Variants in TP63 observed in about 807,000 individuals in gnomAD.
TP63 encodes tumor protein 63.
TP63 carries 17 observed loss-of-function variants against 82.8 expected under a neutral mutation model. That is an observed-to-expected ratio of 0.21 (90% CI 0.14 to 0.31). TP63 has a LOEUF of 0.31. Ranked by LOEUF, TP63 falls within the 10% of genes least tolerant of loss-of-function variation. The probability of loss-of-function intolerance (pLI) is 1.00; values close to 1 mark genes in which losing one functional copy is unlikely to be tolerated. For synonymous variants in TP63, 330 were observed against 321.7 expected (o/e 1.03, Z -0.28); for missense variants, 648 against 895.3 (o/e 0.72, Z 3.52).
At chr3:189,640,467 T>C (rs1357661261) in intron 1 of TP63, among the ~76,000 whole-genome samples, 2 of 152,172 alleles carry the variant, frequency 1.3e-5, no homozygotes, top group African/African-American at 4.8e-5. Context: ...CGATTTATCT[T>C]CAAGTTAGTA....
At chr3:189,609,291 C>T in the TP63 span, among the ~76,000 whole-genome samples, 3 of 152,072 alleles carry the variant, frequency 2.0e-5, no homozygotes, top group Non-Finnish European at 2.9e-5. Context: ...TCCTGAAAAA[C>T]GGTAATATTC....
At chr3:189,804,741 G>A (rs1221085324) in intron 3 of TP63, among the ~76,000 whole-genome samples, 2 of 152,160 alleles carry the variant, frequency 1.3e-5, no homozygotes, top group African/African-American at 4.8e-5. Context: ...TCTGACTTTG[G>A]TGGGTTTGTT....
At chr3:189,761,778 A>T (rs770239375) in intron 3 of TP63, among the ~76,000 whole-genome samples, 7 of 152,206 alleles carry the variant, frequency 4.6e-5, no homozygotes, top group Non-Finnish European at 8.8e-5. Flanking sequence ...TTAAAAAAGA[A>T]AGAGGTTTAT....
chr3:189,834,863 A>G (rs7621997), intron 4 of TP63, among the ~76,000 whole-genome samples: 58,244 of 149,424 alleles, frequency 0.39, 11,694 homozygotes, highest in East Asian at 0.53. Flanking sequence ...AACATAATAG[A>G]TGTTGATTTC....
chr3:189,831,007 G>A (rs1203205552), intron 4 of TP63, among the ~76,000 whole-genome samples: 1 of 152,172 alleles, frequency 6.6e-6, no homozygotes, highest in African/African-American at 2.4e-5. Context: ...TCCTCTACCA[G>A]CTTTTGCTGG....
chr3:189,787,864 C>T (rs1370760548), intron 3 of TP63, among the ~76,000 whole-genome samples: 1 of 151,962 alleles, frequency 6.6e-6, no homozygotes, highest in Non-Finnish European at 1.5e-5. Context: ...GGGCTGTAAC[C>T]CTGCAGAGTC....
At chr3:189,880,347 C>A (rs1719777728) in intron 10 of TP63, 1 of 1,270,890 alleles carries the variant, frequency 7.9e-7, no homozygotes. Context: ...GTGAGAGAAT[C>A]TTTTGAAGGG....
chr3:189,823,876 C>T (rs1729055336), intron 4 of TP63, among the ~76,000 whole-genome samples: 1 of 152,160 alleles, frequency 6.6e-6, no homozygotes, highest in South Asian at 2.1e-4. Context: ...TACCTTTCAG[C>T]TTTCTGTCTT....
At chr3:189,681,188 G>GAA (rs1260101241) in intron 1 of TP63, among the ~76,000 whole-genome samples, 1 of 148,382 alleles carries the variant, frequency 6.7e-6, no homozygotes, top group Non-Finnish European at 1.5e-5. Flanking sequence ...TTTCATAAGT[G>GAA]AATAGTCACT....
chr3:189,738,524 C>T lies in TP63; in HGVS notation c.192-118C>T, dbSNP rs140713710. ...GACTCAAACCTAGAGTTTCTAACTC[C>T]AAGAAACCAATGAGCCTTGCTGACT... On this transcript the variant is annotated intron_variant, in intron 2 of 13. Coordinates refer to ENST00000264731, the MANE Select transcript of TP63 (RefSeq NM_003722.5). 431 of 1,485,146 alleles carry T rather than the reference C, an allele frequency of 2.9e-4. 3 individuals carry two copies. In the African/African-American group the frequency reaches 4.8e-3, roughly 17 times the overall value. The allele number at this position is 1,485,146 out of a possible 1,614,324, so 92.0% of individuals were successfully genotyped here. A position where few individuals can be genotyped will look rare whatever the true frequency, so the allele number is the denominator to read the frequency against.
At chr3:189,687,076 G>A (rs1220209677) in intron 1 of TP63, among the ~76,000 whole-genome samples, 1 of 151,848 alleles carries the variant, frequency 6.6e-6, no homozygotes, top group Non-Finnish European at 1.5e-5. Context: ...TTGGTGGTTG[G>A]GTGAATGAAG....
At chr3:189,713,210 G>A (rs1718722626) in intron 1 of TP63, among the ~76,000 whole-genome samples, 1 of 152,134 alleles carries the variant, frequency 6.6e-6, no homozygotes, top group Non-Finnish European at 1.5e-5. Flanking sequence ...TTTATTCTGT[G>A]TATTTCTGAC....
rs963423935 is a variant in TP63 at position 189,649,393 on chromosome 3, T to G, written c.62+17816T>G. Among the ~76,000 whole-genome samples, 21 of 146,790 alleles carry G rather than the reference T, an allele frequency of 1.4e-4. 1 individual carries two copies. Among genetic ancestry groups the G allele is most frequent in the East Asian group, 4.7e-4 (2 of 4,230 alleles). Reference sequence around the variant, plus strand: ...AGGAATAGAAAACCAAATAGCATTATGTTTCACTCATAAGTGGAAACTAAA... The same window carrying G: ...AGGAATAGAAAACCAAATAGCATTAGGTTTCACTCATAAGTGGAAACTAAA... On this transcript the variant is annotated intron_variant, in intron 1 of 13. Transcript: ENST00000264731.
chr3:189,690,914 G>A (rs1012569421), intron 1 of TP63, among the ~76,000 whole-genome samples: 13 of 152,140 alleles, frequency 8.5e-5, no homozygotes, highest in Non-Finnish European at 1.8e-4. Context: ...TGAACCCAAT[G>A]TGTTACATAA....
chr3:189,867,958 A>G lies in TP63; in HGVS notation c.992+16A>G. On this transcript the variant is annotated intron_variant, in intron 7 of 13. Coordinates refer to ENST00000264731, the MANE Select transcript of TP63 (RefSeq NM_003722.5). ...AAACCAGAGAGTAAGTGGCGTATGT[A>G]AAATTGTCATTCTACACAAAAAATC... 1 of 1,605,374 alleles carries G rather than the reference A, an allele frequency of 6.2e-7. No homozygotes were observed. The highest frequency in any genetic ancestry group is 8.5e-7 in the Non-Finnish European group (1 of 1,172,938).
At chr3:189,838,651 A>G (rs1042117873) in intron 4 of TP63, among the ~76,000 whole-genome samples, 10 of 152,162 alleles carry the variant, frequency 6.6e-5, no homozygotes, top group Admixed American at 2.6e-4. Flanking sequence ...CTAATTATCA[A>G]CGATGGAAAT....
intron 1 of TP63, among the ~76,000 whole-genome samples, chr3:189,681,814 C>A (rs572781077): frequency 8.1e-4 from 124 of 152,332 alleles, no homozygotes; most frequent in Non-Finnish European, 1.4e-3. Context: ...TGACTCTCCT[C>A]ATCAAGAAAT....
At chr3:189,724,604 C>T (rs1719635648) in intron 1 of TP63, among the ~76,000 whole-genome samples, 1 of 152,202 alleles carries the variant, frequency 6.6e-6, no homozygotes, top group African/African-American at 2.4e-5. Context: ...GGTTACTTCA[C>T]TTAGAATGAC....
chr3:189,792,355 A>C (rs1725232525), intron 3 of TP63, among the ~76,000 whole-genome samples: 1 of 152,088 alleles, frequency 6.6e-6, no homozygotes, highest in African/African-American at 2.4e-5. Flanking sequence ...AGACTTGGAG[A>C]TAGAGAGGGT....
Sources: allele counts gnomAD v4.1 joint callset (sites outside exome capture counted in the v4.1 genomes callset), GRCh38; gene constraint gnomAD v4.1.1; transcripts MANE v1.5; gene names NCBI Gene and HGNC (gene_info 2026-07-23, HGNC 2026-07-21).